SLC4A10: variants seen among roughly 807,000 people sequenced by gnomAD.
The protein encoded by SLC4A10 is solute carrier family 4 member 10.
Under a neutral mutation model 137.7 loss-of-function variants are expected in SLC4A10, and 42 were observed. The observed-to-expected ratio is 0.30, with a 90% CI of 0.24 to 0.39. The LOEUF (loss-of-function observed/expected upper bound fraction) is 0.39, where lower values mean the gene tolerates loss of function less well. Ranked by LOEUF, SLC4A10 falls within the 10% of genes least tolerant of loss-of-function variation. SLC4A10 has a pLI of 1.00. For missense variants in SLC4A10, 925 were observed against 1,355.0 expected (o/e 0.68, Z 4.98); for synonymous variants, 474 against 464.1 (o/e 1.02, Z -0.27).
intron 2 of SLC4A10, among the ~76,000 whole-genome samples, chr2:161,787,253 C>T (rs1281801878): frequency 2.6e-5 from 4 of 152,026 alleles, no homozygotes; most frequent in Admixed American, 2.0e-4. Flanking sequence ...GGCCCCCTAT[C>T]TTTTTGGCTT....
At chr2:161,790,288 T>A (rs1381949028) in intron 2 of SLC4A10, among the ~76,000 whole-genome samples, 1 of 152,180 alleles carries the variant, frequency 6.6e-6, no homozygotes, top group African/African-American at 2.4e-5. Flanking sequence ...CACTCTCCCA[T>A]TGGAGACTAC....
intron 1 of SLC4A10, among the ~76,000 whole-genome samples, chr2:161,640,593 TTTCCTTCCTTCCTTCCTTCC>T (rs1245696506): frequency 5.0e-5 from 6 of 119,324 alleles, no homozygotes; most frequent in African/African-American, 1.6e-4. Flanking sequence ...TTTCTCTTTC[TTTCCTTCCTTCCTTCCTTCC>T]TTCCTTCCTT....
chr2:161,694,555 A>G (rs1457575498), intron 1 of SLC4A10, among the ~76,000 whole-genome samples: 2 of 152,026 alleles, frequency 1.3e-5, no homozygotes, highest in African/African-American at 4.8e-5. Context: ...TAGAAGTAAC[A>G]GGAAAAAAAA....
chr2:161,720,327 G>T lies in SLC4A10; in HGVS notation c.49-50646G>T, dbSNP rs573039397. ...GTAGTATAGTTTGAAGTCAGGTAGC[G>T]TGATGCCTCCAGCTTTGTTCTTTTG... On this transcript the variant is annotated intron_variant, in intron 1 of 26. Transcript: ENST00000446997. Among the ~76,000 whole-genome samples, 4 of 152,284 alleles carry T rather than the reference G, an allele frequency of 2.6e-5. No homozygotes were observed. In the South Asian group the frequency reaches 8.3e-4, roughly 32 times the overall value.
Position 161,896,817 on chromosome 2 carries a change from C to A in SLC4A10, c.1341+1992C>A, listed in dbSNP as rs549766185. ...ACTGAGAAACTTGGCAGTTTGATGA[C>A]AACCTACTAATCAAACAGTGCCATA... On this transcript the variant is annotated intron_variant, in intron 11 of 26. Transcript: ENST00000446997. Among the ~76,000 whole-genome samples, 4 of 152,176 alleles carry A rather than the reference C, an allele frequency of 2.6e-5. No homozygotes were observed. In the East Asian group the frequency reaches 7.7e-4, roughly 29 times the overall value.
rs2102734 is a variant in SLC4A10 at position 161,847,508 on chromosome 2, C to T, written c.417-7462C>T. On this transcript the variant is annotated intron_variant, in intron 4 of 26. Coordinates refer to ENST00000446997, the MANE Select transcript of SLC4A10 (RefSeq NM_001178015.2). The stretch of plus-strand genomic sequence containing the variant: ...TTACCTGATAGATATTTTTTGTCAC[C>T]GAATAGGTAGTTTTCGATCATCCCA... Among the ~76,000 whole-genome samples the T allele has an allele frequency of 3.8e-3, 578 of 151,906 alleles. 3 individuals carry two copies. Among genetic ancestry groups the T allele is most frequent in the African/African-American group, 0.013 (522 of 41,438 alleles).
At chr2:161,628,542 A>G (rs1464931561) in intron 1 of SLC4A10, among the ~76,000 whole-genome samples, 1 of 152,046 alleles carries the variant, frequency 6.6e-6, no homozygotes, top group Non-Finnish European at 1.5e-5. Context: ...GAAAAATGGG[A>G]CTAAAATGTC....
chr2:161,719,050 C>A (rs1305096823), intron 1 of SLC4A10, among the ~76,000 whole-genome samples: 1 of 151,990 alleles, frequency 6.6e-6, no homozygotes, highest in Non-Finnish European at 1.5e-5. Flanking sequence ...CTATCCTTCC[C>A]CCCTCCCCTC....
chr2:161,959,115 T>C (rs1696168502), intron 21 of SLC4A10, among the ~76,000 whole-genome samples: 2 of 152,182 alleles, frequency 1.3e-5, no homozygotes, highest in African/African-American at 4.8e-5. Context: ...TATAAAGCTA[T>C]GAGTTTGAGC....
chr2:161,627,930 A>AC (rs2032763173), intron 1 of SLC4A10, among the ~76,000 whole-genome samples: 1 of 152,122 alleles, frequency 6.6e-6, no homozygotes, highest in South Asian at 2.1e-4. Context: ...CTCCAGCTAG[A>AC]CTAGAAATAG....
At chr2:161,759,380 T>C (rs576829316) in intron 1 of SLC4A10, among the ~76,000 whole-genome samples, 2 of 152,048 alleles carry the variant, frequency 1.3e-5, no homozygotes, top group South Asian at 4.1e-4. Context: ...AAGTAAACAA[T>C]ACAATATTAT....
At chr2:161,779,903 A>G (rs2052813471) in intron 2 of SLC4A10, among the ~76,000 whole-genome samples, 1 of 152,052 alleles carries the variant, frequency 6.6e-6, no homozygotes, top group Non-Finnish European at 1.5e-5. Context: ...GAACATAGCC[A>G]TGTTCATTAA....
At chr2:161,824,524 T>G (rs1418007788) in intron 3 of SLC4A10, among the ~76,000 whole-genome samples, 1 of 152,160 alleles carries the variant, frequency 6.6e-6, no homozygotes, top group Non-Finnish European at 1.5e-5. Context: ...ATATGGATCT[T>G]GGAGAAACTC....
chr2:161,845,841 T>G (rs951581345), intron 4 of SLC4A10, among the ~76,000 whole-genome samples: 1 of 152,156 alleles, frequency 6.6e-6, no homozygotes, highest in African/African-American at 2.4e-5. Flanking sequence ...AAATAGTTTA[T>G]AGATTTAAAT....
intron 22 of SLC4A10, 128 bp from the exon 23 acceptor site, chr2:161,964,923 T>C (rs1697325162): frequency 4.2e-6 from 3 of 707,064 alleles, no homozygotes; most frequent in Non-Finnish European, 6.5e-6. Context: ...TTTATACATA[T>C]ATATCTTTAA....
intron 18 of SLC4A10, 39 bp from the exon 19 acceptor site, chr2:161,950,648 A>T: frequency 1.3e-6 from 2 of 1,552,082 alleles, no homozygotes; most frequent in South Asian, 2.4e-5. Flanking sequence ...GTATTCATTA[A>T]TCCAGTTCAT....
In SLC4A10 at chr2:161,788,127, ATTGT is replaced by A. The variant is rs2053826895; in HGVS notation, c.131-16318_131-16315del. Reference sequence around the variant, plus strand: ...ATGACTGTGGTGTATGTTGTATGTGATTGTTTGGCTTCTTTTCTGGGGTTTCTCG... The same window carrying A: ...ATGACTGTGGTGTATGTTGTATGTGATTGGCTTCTTTTCTGGGGTTTCTCG... On this transcript the variant is annotated intron_variant, in intron 2 of 26. Transcript: ENST00000446997. 1.4e-5 allele frequency among the ~76,000 whole-genome samples: 2 copies of A among 146,454 alleles called. 1 individual carries two copies. The highest frequency in any genetic ancestry group is 5.0e-5 in the African/African-American group (2 of 39,698).
chr2:161,960,668 C>T (rs568837475), intron 21 of SLC4A10, among the ~76,000 whole-genome samples: 6 of 149,142 alleles, frequency 4.0e-5, no homozygotes, highest in African/African-American at 7.4e-5. Flanking sequence ...CGCATTGAGC[C>T]GAGATCATGC....
intron 1 of SLC4A10, among the ~76,000 whole-genome samples, chr2:161,675,860 C>T (rs574604398): frequency 6.6e-6 from 1 of 152,266 alleles, no homozygotes; most frequent in East Asian, 1.9e-4. Context: ...ATATAAACAT[C>T]TTATATCAAG....
Sources: allele counts gnomAD v4.1 joint callset (sites outside exome capture counted in the v4.1 genomes callset), GRCh38; gene constraint gnomAD v4.1.1; transcripts MANE v1.5; gene names NCBI Gene and HGNC (gene_info 2026-07-23, HGNC 2026-07-21).